Variants in RAB38 observed in about 807,000 individuals in gnomAD.
RAB38 encodes the protein ras-related protein Rab-38.
In RAB38, 15 loss-of-function variants were observed where a neutral mutation model predicts 18.4. That is an observed-to-expected ratio of 0.82 (90% CI 0.55 to 1.26). The LOEUF (loss-of-function observed/expected upper bound fraction) is 1.26, where lower values mean the gene tolerates loss of function less well. Among genes scored for constraint, RAB38 ranks in the 50% most tolerant of loss-of-function variants. RAB38 has a pLI of 0.00. For missense variants in RAB38, 294 were observed against 267.4 expected (o/e 1.10, Z -0.69); for synonymous variants, 101 against 104.4 (o/e 0.97, Z 0.20).
chr11:88,022,497 G>C, the RAB38 span, among the ~76,000 whole-genome samples: 3 of 148,784 alleles, frequency 2.0e-5, no homozygotes, highest in East Asian at 2.0e-4. Context: ...ATTCTAGCTA[G>C]AGCAATCACA....
At chr11:87,921,419 G>A in the RAB38 span, among the ~76,000 whole-genome samples, 1 of 151,798 alleles carries the variant, frequency 6.6e-6, no homozygotes, top group Non-Finnish European at 1.5e-5. Flanking sequence ...TGAGTGTTCT[G>A]AGCATGTTCA....
intron 1 of RAB38, among the ~76,000 whole-genome samples, chr11:88,162,435 AT>A (rs148289968): frequency 1.4e-3 from 218 of 151,232 alleles, no homozygotes; most frequent in Middle Eastern, 0.014. Context: ...GAGTGAAGGA[AT>A]AATTCTTAAT....
At chr11:88,087,309 G>GTAT in the RAB38 span, among the ~76,000 whole-genome samples, 5 of 151,864 alleles carry the variant, frequency 3.3e-5, no homozygotes, top group African/African-American at 1.2e-4. Context: ...CATAGAGAAT[G>GTAT]TATTAGTCCA....
At chr11:88,004,511 A>G in the RAB38 span, among the ~76,000 whole-genome samples, 2 of 151,262 alleles carry the variant, frequency 1.3e-5, no homozygotes. Context: ...AACCTACAAG[A>G]AACATTACAC....
chr11:87,835,997 T>C, the RAB38 span, among the ~76,000 whole-genome samples: 29 of 152,168 alleles, frequency 1.9e-4, no homozygotes, highest in Admixed American at 1.2e-3. Context: ...AATACAGCTT[T>C]TAACCTATAC....
At chr11:87,833,888 T>C in the RAB38 span, among the ~76,000 whole-genome samples, 1 of 152,226 alleles carries the variant, frequency 6.6e-6, no homozygotes, top group South Asian at 2.1e-4. Flanking sequence ...TCACAAAGCA[T>C]GACAAAATGA....
the RAB38 span, among the ~76,000 whole-genome samples, chr11:88,024,320 C>G: frequency 6.6e-6 from 1 of 152,016 alleles, no homozygotes; most frequent in East Asian, 1.9e-4. Flanking sequence ...AAATGGAAAT[C>G]AAAACTATAA....
intron 1 of RAB38, chr11:88,166,837 T>G (rs1417413398): frequency 6.6e-6 from 1 of 152,172 alleles, no homozygotes; most frequent in Non-Finnish European, 1.5e-5. Flanking sequence ...ATATTAATGT[T>G]TATAAAGTTG....
At chr11:87,811,265 C>A in the RAB38 span, among the ~76,000 whole-genome samples, 7 of 152,160 alleles carry the variant, frequency 4.6e-5, no homozygotes, top group Non-Finnish European at 7.4e-5. Flanking sequence ...CAGGAATTTT[C>A]TTCTCCCTGG....
the RAB38 span, among the ~76,000 whole-genome samples, chr11:87,807,174 A>C: frequency 6.6e-6 from 1 of 152,198 alleles, no homozygotes; most frequent in Non-Finnish European, 1.5e-5. Flanking sequence ...ACCATCCCCC[A>C]CAAAAATCTG....
chr11:87,950,026 A>C, the RAB38 span, among the ~76,000 whole-genome samples: 1 of 152,216 alleles, frequency 6.6e-6, no homozygotes, highest in South Asian at 2.1e-4. Flanking sequence ...TGGGAGTCTA[A>C]GTTTCTTTGT....
chr11:88,112,070 A>G (rs1314307342), downstream of RAB38, among the ~76,000 whole-genome samples: 1 of 152,244 alleles, frequency 6.6e-6, no homozygotes, highest in African/African-American at 2.4e-5. Flanking sequence ...TTAACTCATG[A>G]AAGTATTTCC....
the RAB38 span, among the ~76,000 whole-genome samples, chr11:88,022,611 C>CCAAAAAAAA: frequency 9.6e-5 from 5 of 52,100 alleles, no homozygotes; most frequent in African/African-American, 3.8e-4. Context: ...AAAGACCCCA[C>CCAAAAAAAA]AAAAAAAAAA....
the RAB38 span, among the ~76,000 whole-genome samples, chr11:88,099,473 T>C: frequency 1.2e-4 from 18 of 151,938 alleles, no homozygotes; most frequent in Admixed American, 1.1e-3. Flanking sequence ...TTCAAATAGA[T>C]ACAAGTGGAA....
chr11:88,035,161 A>T, the RAB38 span, among the ~76,000 whole-genome samples: 8,379 of 152,126 alleles, frequency 0.055, 356 homozygotes, highest in African/African-American at 0.081. Context: ...ATTTATTTTT[A>T]AAAAAGTGGT....
At chr11:88,121,510 G>C (rs1372204774) in intron 2 of RAB38, among the ~76,000 whole-genome samples, 1 of 152,214 alleles carries the variant, frequency 6.6e-6, no homozygotes, top group African/African-American at 2.4e-5. Flanking sequence ...ATCCCTGAAA[G>C]TTTCACAAAT....
the RAB38 span, chr11:88,060,110 A>G: frequency 1.3e-5 from 2 of 152,192 alleles, no homozygotes. Context: ...AGAAGCAAAG[A>G]CAAAAGTAAC....
chr11:88,011,315 G>A, the RAB38 span, among the ~76,000 whole-genome samples: 1 of 152,118 alleles, frequency 6.6e-6, no homozygotes, highest in Non-Finnish European at 1.5e-5. Context: ...ATAAGATAGG[G>A]TTCTTGTTTT....
At chr11:87,817,611 G>A in the RAB38 span, 1 of 152,162 alleles carries the variant, frequency 6.6e-6, no homozygotes, top group African/African-American at 2.4e-5. Context: ...GTAAAACTTA[G>A]GATAAATAAA....
Sources: gnomAD v4.1 joint callset for allele counts (sites outside exome capture counted in the v4.1 genomes callset) on GRCh38, gnomAD v4.1.1 for gene constraint, MANE v1.5 for transcripts, NCBI Gene and HGNC (gene_info 2026-07-23, HGNC 2026-07-21) for gene names.